KAZN: variants seen among roughly 807,000 people sequenced by gnomAD.
The protein encoded by KAZN is kazrin.
Under a neutral mutation model 87.4 loss-of-function variants are expected in KAZN, and 40 were observed. The observed-to-expected ratio is 0.46, with a 90% CI of 0.36 to 0.60. KAZN has a LOEUF of 0.60. KAZN is among the 20% of genes least tolerant of loss of function. The pLI is 0.00. For missense variants in KAZN, 898 were observed against 1,073.9 expected (o/e 0.84, Z 2.29); for synonymous variants, 466 against 458.3 (o/e 1.02, Z -0.22).
At chr1:14,056,307 T>C (rs1046915524) in intron 1 of KAZN, among the ~76,000 whole-genome samples, 6 of 152,224 alleles carry the variant, frequency 3.9e-5, no homozygotes, top group African/African-American at 1.4e-4. Context: ...GGTAGGATGA[T>C]GTAATCACAA....
At chr1:15,064,771 T>C (rs1639086141) in intron 7 of KAZN, among the ~76,000 whole-genome samples, 1 of 152,230 alleles carries the variant, frequency 6.6e-6, no homozygotes. Context: ...TCCTTGCCCA[T>C]GTCACTGTGT....
intron 1 of KAZN, among the ~76,000 whole-genome samples, chr1:14,951,445 C>CTTT (rs56820982): frequency 1.3e-5 from 2 of 150,966 alleles, no homozygotes; most frequent in Non-Finnish European, 3.0e-5. Flanking sequence ...GTGTCTCTGT[C>CTTT]TTTTTTTTTA....
chr1:13,925,198 C>T (rs1175382453), intron 1 of KAZN, among the ~76,000 whole-genome samples: 1 of 152,172 alleles, frequency 6.6e-6, no homozygotes, highest in Non-Finnish European at 1.5e-5. Flanking sequence ...TTGTGACTGG[C>T]GTCTTGCACT....
intron 2 of KAZN, among the ~76,000 whole-genome samples, chr1:14,466,956 A>G (rs75803945): frequency 0.1 from 12,298 of 121,200 alleles, 743 homozygotes; most frequent in Non-Finnish European, 0.17. Context: ...GCGACAGTGC[A>G]AGACTCTGTC....
intron 1 of KAZN, among the ~76,000 whole-genome samples, chr1:14,010,399 C>T (rs1040533): frequency 0.16 from 25,073 of 152,164 alleles, 2,260 homozygotes; most frequent in African/African-American, 0.2. Flanking sequence ...GAAACTGTAA[C>T]GTATCATTTT....
intron 2 of KAZN, among the ~76,000 whole-genome samples, chr1:14,270,717 G>A (rs1390764779): frequency 6.6e-6 from 1 of 152,150 alleles, no homozygotes; most frequent in East Asian, 1.9e-4. Context: ...TGCTTTCAAT[G>A]AGCTTATTAA....
intron 1 of KAZN, among the ~76,000 whole-genome samples, chr1:14,109,560 C>G (rs1644452512): frequency 6.6e-6 from 1 of 152,200 alleles, no homozygotes; most frequent in Non-Finnish European, 1.5e-5. Flanking sequence ...CTGCTAAAAT[C>G]TATAATGTCC....
intron 1 of KAZN, among the ~76,000 whole-genome samples, chr1:14,115,691 A>C (rs1447778062): frequency 6.6e-6 from 1 of 152,248 alleles, no homozygotes; most frequent in Non-Finnish European, 1.5e-5. Context: ...GAAAATGCGG[A>C]AGCGACTTTG....
chr1:14,255,368 C>G (rs548277446), intron 2 of KAZN, among the ~76,000 whole-genome samples: 1 of 152,082 alleles, frequency 6.6e-6, no homozygotes, highest in East Asian at 1.9e-4. Context: ...TGAGATTTGG[C>G]AGGGACATAT....
At chr1:14,485,561 C>T (rs1669304174) in intron 2 of KAZN, among the ~76,000 whole-genome samples, 1 of 152,136 alleles carries the variant, frequency 6.6e-6, no homozygotes. Flanking sequence ...AAGTTACTAC[C>T]CCCACCCTGC....
chr1:14,491,123 C>A (rs909349676), intron 2 of KAZN, among the ~76,000 whole-genome samples: 1 of 152,208 alleles, frequency 6.6e-6, no homozygotes, highest in Non-Finnish European at 1.5e-5. Context: ...CATTCCTTGT[C>A]ATGTTTATTC....
rs1654783865 is a variant in KAZN, at chr1:14,304,540, G to T, written c.249+123948G>T. 6.0e-5 allele frequency: 24 copies of T among 397,958 alleles called. No homozygotes were observed. In the East Asian group the frequency reaches 8.5e-4, roughly 14 times the overall value. 24.7% of individuals were successfully genotyped at this position (397,958 alleles called of 1,614,324 possible). ...TAAAATCACATTCCGTTCTGAGGAA[G>T]TTTGGTCTATTTCTTGGCCTTATGT... On this transcript the variant is annotated intron_variant, in intron 2 of 16. Transcript: ENST00000636203.
intron 2 of KAZN, among the ~76,000 whole-genome samples, chr1:14,326,795 C>T (rs75263178): frequency 0.026 from 4,000 of 152,226 alleles, 101 homozygotes; most frequent in East Asian, 0.14. Flanking sequence ...CTCCCTTCTT[C>T]GCTTCTTTTA....
rs112508394 is a variant in KAZN at position 14,656,736 on chromosome 1, C to T, written c.226+57513C>T. Among the ~76,000 whole-genome samples, 804 of 152,312 alleles carry T rather than the reference C, an allele frequency of 5.3e-3. 3 individuals carry two copies. The highest frequency in any genetic ancestry group is 9.6e-3 in the Non-Finnish European group (650 of 68,030). On this transcript the variant is annotated intron_variant, in intron 1 of 14. Coordinates refer to ENST00000376030, the MANE Select transcript of KAZN (RefSeq NM_201628.3). ...TACGCGCTTTTAAACCACCAGATCT[C>T]GTGAGAGCTCACTCACTATCACGAG...
chr1:14,080,028 C>T (rs1454175368), intron 1 of KAZN, among the ~76,000 whole-genome samples: 1 of 148,828 alleles, frequency 6.7e-6, no homozygotes, highest in East Asian at 2.2e-4. Flanking sequence ...GCCCCACTTT[C>T]TAATATCACA....
At chr1:13,937,742 A>G (rs1640792189) in intron 1 of KAZN, among the ~76,000 whole-genome samples, 1 of 152,108 alleles carries the variant, frequency 6.6e-6, no homozygotes, top group Non-Finnish European at 1.5e-5. Flanking sequence ...TCTTTTGTAA[A>G]TGGCTAACCA....
At chr1:14,351,746 T>C (rs1025644497) in intron 2 of KAZN, among the ~76,000 whole-genome samples, 3 of 152,214 alleles carry the variant, frequency 2.0e-5, no homozygotes, top group African/African-American at 7.2e-5. Flanking sequence ...TTCTGAGCTC[T>C]ACCCCACAGC....
At chr1:14,508,859 C>G (rs553188176) in intron 2 of KAZN, among the ~76,000 whole-genome samples, 1 of 152,268 alleles carries the variant, frequency 6.6e-6, no homozygotes, top group South Asian at 2.1e-4. Flanking sequence ...GGATCAGAAC[C>G]CGATCAGACA....
intron 1 of KAZN, among the ~76,000 whole-genome samples, chr1:14,638,823 T>A (rs981296618): frequency 6.6e-6 from 1 of 152,070 alleles, no homozygotes; most frequent in African/African-American, 2.4e-5. Flanking sequence ...TCCCCTCTGA[T>A]CTCCTTGCTT....
Sources: allele counts gnomAD v4.1 joint callset (sites outside exome capture counted in the v4.1 genomes callset), GRCh38; gene constraint gnomAD v4.1.1; transcripts MANE v1.5; gene names NCBI Gene and HGNC (gene_info 2026-07-23, HGNC 2026-07-21).